Variants in MACF1 observed in about 807,000 individuals in gnomAD.
MACF1 encodes microtubule-actin cross-linking factor 1.
A neutral mutation model predicts 854.8 loss-of-function variants in MACF1; 193 were observed. The observed-to-expected ratio is 0.23, with a 90% CI of 0.20 to 0.25. MACF1 has a LOEUF of 0.25. MACF1 is among the 10% of genes least tolerant of loss of function. The pLI is 1.00. For synonymous variants in MACF1, 3,185 were observed against 3,226.7 expected, an observed-to-expected ratio of 0.99 and a Z score of 0.44; for missense variants, 7,722 against 8,929.1, an observed-to-expected ratio of 0.86 and a Z score of 5.45.
chr1:39,100,831 G>A (rs1454093628), intron 2 of MACF1, among the ~76,000 whole-genome samples: 2 of 152,086 alleles, frequency 1.3e-5, no homozygotes, highest in Non-Finnish European at 2.9e-5. Context: ...TCTAGCCTGG[G>A]TGACAGAGTG....
intron 6 of MACF1, among the ~76,000 whole-genome samples, chr1:39,273,688 C>T (rs942065335): frequency 6.6e-6 from 1 of 152,076 alleles, no homozygotes; most frequent in East Asian, 1.9e-4. Flanking sequence ...ACCTCTGCCT[C>T]CCGGGTTCAC....
chr1:39,450,944 T>G, intron 84 of MACF1, 108 bp from the exon 85 acceptor site: 1 of 1,229,008 alleles, frequency 8.1e-7, no homozygotes, highest in Non-Finnish European at 1.1e-6. Flanking sequence ...AACATAGAAG[T>G]CACTCTCTAT....
At chr1:39,280,941 A>G (rs1004957129) in intron 6 of MACF1, among the ~76,000 whole-genome samples, 13 of 152,324 alleles carry the variant, frequency 8.5e-5, no homozygotes, top group Middle Eastern at 3.4e-3. Flanking sequence ...GACAAGTAAG[A>G]ATCGAAGGAA....
chr1:39,247,056 C>A (rs1477079211), intron 2 of MACF1, among the ~76,000 whole-genome samples: 2 of 149,304 alleles, frequency 1.3e-5, no homozygotes, highest in Non-Finnish European at 3.0e-5. Flanking sequence ...TGCATACCAC[C>A]ATGCCCGGCT....
At chr1:39,195,629 G>C (rs556490710) in intron 2 of MACF1, among the ~76,000 whole-genome samples, 4 of 152,196 alleles carry the variant, frequency 2.6e-5, no homozygotes, top group Admixed American at 1.3e-4. Flanking sequence ...TTCTGTGGAA[G>C]TACTGGCTTT....
At position 39,434,442 on chromosome 1, in the gene MACF1, A is replaced by G; in HGVS notation, c.17594A>G (p.Tyr5865Cys). The change falls in exon 69 of 101, where the codon TAT becomes TGT. Residue 5865 changes from tyrosine (Y) to cysteine (C), a missense_variant. Around this residue, in one of 15 missense-constraint regions of MACF1, gnomAD observed 2,807 missense variants for 3,235.8 expected, o/e 0.87. Coordinates refer to ENST00000564288, the MANE Select transcript of MACF1 (RefSeq NM_001394062.1). Reference protein sequence around the residue: ...QEKTESLIQQYEAISLLNSER... With the variant: ...QEKTESLIQQCEAISLLNSER... Reference sequence around the variant, plus strand: ...AAGACAGAGTCTCTAATACAGCAATATGAAGCCATTAGCCTACTCAATTCA... The same window carrying G: ...AAGACAGAGTCTCTAATACAGCAATGTGAAGCCATTAGCCTACTCAATTCA... The G allele has an allele frequency of 6.2e-7, 1 of 1,606,488 alleles. No individual in the cohort carries two copies. Among genetic ancestry groups the G allele is most frequent in the Non-Finnish European group, 8.5e-7 (1 of 1,177,432 alleles).
At chr1:39,125,471 A>T (rs1433669135) in intron 2 of MACF1, among the ~76,000 whole-genome samples, 1 of 152,238 alleles carries the variant, frequency 6.6e-6, no homozygotes, top group Non-Finnish European at 1.5e-5. Flanking sequence ...TGAAACATGC[A>T]GTGGATACTC....
chr1:39,350,736 A>C (rs774761536), intron 42 of MACF1, 49 bp from the exon 43 acceptor site: 1 of 1,357,444 alleles, frequency 7.4e-7, no homozygotes, highest in Non-Finnish European at 1.1e-6. Flanking sequence ...TAGAGGACTT[A>C]GAAGCACTAA....
At chr1:39,244,925 G>A (rs531631634) in intron 2 of MACF1, among the ~76,000 whole-genome samples, 126 of 152,076 alleles carry the variant, frequency 8.3e-4, no homozygotes, top group Non-Finnish European at 1.6e-3. Flanking sequence ...GTTGGTCAGG[G>A]TGGTCTCCAA....
chr1:39,476,704 A>C (rs1290244990), intron 97 of MACF1, among the ~76,000 whole-genome samples: 1 of 152,222 alleles, frequency 6.6e-6, no homozygotes, highest in African/African-American at 2.4e-5. Context: ...GGACTGGTTA[A>C]ATAAATTCAC....
intron 2 of MACF1, 118 bp downstream of exon 2, chr1:39,231,361 C>A: frequency 1.1e-6 from 1 of 888,716 alleles, no homozygotes; most frequent in Non-Finnish European, 1.8e-6. Context: ...TATGAAGATA[C>A]ACATGTGACT....
In MACF1 at chr1:39,360,706, ATT is replaced by A. The variant is rs1404159777; in HGVS notation, c.12245-86_12245-85del. ...ATAATAATAATAATTTTTATTATTT[ATT>A]ATTTAATAATATTAATAATAAAGTC... On this transcript the variant is annotated intron_variant, in intron 47 of 100. Coordinates refer to ENST00000564288, the MANE Select transcript of MACF1 (RefSeq NM_001394062.1). 55 of 338,134 alleles carry A rather than the reference ATT, an allele frequency of 1.6e-4. No homozygotes were observed. The African/African-American group carries it at 1.8e-3, about 11-fold the overall frequency. The allele number at this position is 338,134 out of a possible 1,614,324, so 20.9% of individuals were successfully genotyped here.
intron 47 of MACF1, among the ~76,000 whole-genome samples, chr1:39,360,012 A>ATAT (rs1301823492): frequency 1.0e-4 from 3 of 28,830 alleles, no homozygotes; most frequent in South Asian, 1.9e-3. Flanking sequence ...AAAAAAAAAA[A>ATAT]ATATATATAT....
At chr1:39,201,829 G>T (rs980315001), upstream of MACF1, among the ~76,000 whole-genome samples, 1 of 151,788 alleles carries the variant, frequency 6.6e-6, no homozygotes, top group African/African-American at 2.4e-5. Context: ...CCTCTTTCAG[G>T]TCCAGCCATT....
At chr1:39,154,264 ATCAGGCGTGT>A (rs1643639119) in intron 2 of MACF1, 1 of 152,100 alleles carries the variant, frequency 6.6e-6, no homozygotes, top group African/African-American at 2.4e-5. Context: ...ATCAGACGAG[ATCAGGCGTGT>A]TCAGGGTGGT....
chr1:39,162,102 G>A (rs2148209521), intron 2 of MACF1, among the ~76,000 whole-genome samples: 1 of 151,714 alleles, frequency 6.6e-6, no homozygotes, highest in Non-Finnish European at 1.5e-5. Context: ...CCGGGTTCAA[G>A]CAATTCTTGT....
chr1:39,389,351 GTTTTTTTTTT>G (rs10588247), intron 58 of MACF1, among the ~76,000 whole-genome samples: 24 of 63,470 alleles, frequency 3.8e-4, no homozygotes, highest in Non-Finnish European at 6.1e-4. Context: ...GTTTTTGTGT[GTTTTTTTTTT>G]TTTTTTTTTT....
chr1:39,444,521 G>A, intron 79 of MACF1, 141 bp from the exon 80 acceptor site: 4 of 591,124 alleles, frequency 6.8e-6, no homozygotes, highest in Non-Finnish European at 1.1e-5. Context: ...TTATGGCTCA[G>A]CACTTGAACT....
chr1:39,398,538 T>A (rs1642360642), intron 58 of MACF1, among the ~76,000 whole-genome samples: 1 of 152,082 alleles, frequency 6.6e-6, no homozygotes, highest in Admixed American at 6.6e-5. Flanking sequence ...CCCCTTACAA[T>A]GAAAGAATTA....
Sources: gnomAD v4.1 joint callset for allele counts (sites outside exome capture counted in the v4.1 genomes callset) on GRCh38, gnomAD v4.1.1 for gene constraint, gnomAD v4.1.1 regional missense constraint, MANE v1.5 for transcripts, NCBI Gene and HGNC (gene_info 2026-07-23, HGNC 2026-07-21) for gene names.